Variants in CDH23 observed in about 807,000 individuals in gnomAD.
The protein encoded by CDH23 is cadherin related 23.
Under a neutral mutation model 317.1 loss-of-function variants are expected in CDH23, and 189 were observed. The observed-to-expected ratio is 0.60, with a 90% CI of 0.53 to 0.67. The LOEUF is 0.67. CDH23 is among the 30% of genes least tolerant of loss of function. CDH23 has a pLI of 0.00. For missense variants in CDH23, 4,401 were observed against 4,592.4 expected (o/e 0.96, Z 1.20); for synonymous variants, 1,839 against 1,876.8 (o/e 0.98, Z 0.52).
chr10:71,467,077 C>T (rs114989013), intron 3 of CDH23, among the ~76,000 whole-genome samples: 2,631 of 152,142 alleles, frequency 0.017, 76 homozygotes, highest in African/African-American at 0.059. Context: ...GGTGTTTCTC[C>T]GCAGAGGATG....
intron 41 of CDH23, among the ~76,000 whole-genome samples, chr10:71,780,249 A>T (rs1309442060): frequency 6.6e-6 from 1 of 152,244 alleles, no homozygotes; most frequent in Non-Finnish European, 1.5e-5. Context: ...AAACAGATGC[A>T]AATCCCTGCC....
intron 14 of CDH23, among the ~76,000 whole-genome samples, chr10:71,657,249 G>A (rs1452696325): frequency 6.6e-6 from 1 of 152,236 alleles, no homozygotes; most frequent in Non-Finnish European, 1.5e-5. Flanking sequence ...CCTTGAGCCG[G>A]TGACTGAAGG....
At chr10:71,428,378 T>TC (rs1184882394) in intron 1 of CDH23, among the ~76,000 whole-genome samples, 2 of 152,030 alleles carry the variant, frequency 1.3e-5, no homozygotes, top group African/African-American at 4.8e-5. Context: ...CCTCAAGTGA[T>TC]CCGCCCACCT....
At chr10:71,772,186 G>A (rs1173668725) in intron 38 of CDH23, among the ~76,000 whole-genome samples, 1 of 152,194 alleles carries the variant, frequency 6.6e-6, no homozygotes, top group East Asian at 1.9e-4. Context: ...CTCCTCCTCA[G>A]AGGCCCAGGC....
At chr10:71,679,625 C>T (rs948602523) in intron 17 of CDH23, 133 bp downstream of exon 17, 24 of 720,970 alleles carry the variant, frequency 3.3e-5, no homozygotes, top group African/African-American at 5.2e-5. Flanking sequence ...GGAAGCTGCC[C>T]GGAGCACCTG....
chr10:71,474,544 G>A (rs1184832376), intron 3 of CDH23, among the ~76,000 whole-genome samples: 2 of 152,210 alleles, frequency 1.3e-5, no homozygotes, highest in African/African-American at 4.8e-5. Flanking sequence ...GGTGGGCCTT[G>A]CATTCTGGCA....
intron 38 of CDH23, chr10:71,761,642 G>A (rs147441567): frequency 1.2e-5 from 19 of 1,611,674 alleles, no homozygotes; most frequent in Middle Eastern, 1.7e-4. Context: ...CCTGTGCTCC[G>A]AGTGGTGGTG....
chr10:71,693,650 A>T (rs1330403941), intron 20 of CDH23, among the ~76,000 whole-genome samples: 2 of 152,294 alleles, frequency 1.3e-5, no homozygotes, highest in East Asian at 3.9e-4. Flanking sequence ...TAAGATTTCC[A>T]TGATCTTAAT....
At chr10:71,739,077 T>G (rs1839663165) in intron 35 of CDH23, among the ~76,000 whole-genome samples, 1 of 152,110 alleles carries the variant, frequency 6.6e-6, no homozygotes, top group South Asian at 2.1e-4. Flanking sequence ...TCACACAGCT[T>G]TCATCTGTTC....
chr10:71,647,702 G>A (rs914590904), intron 14 of CDH23: 2 of 152,192 alleles, frequency 1.3e-5, no homozygotes, highest in African/African-American at 4.8e-5. Context: ...TGTGATTCTG[G>A]TATGCCGGGG....
chr10:71,426,418 C>A (rs996543517), intron 1 of CDH23, among the ~76,000 whole-genome samples: 1 of 152,198 alleles, frequency 6.6e-6, no homozygotes, highest in East Asian at 1.9e-4. Flanking sequence ...GGGAAGGCAG[C>A]CTCTGTGAGC....
chr10:71,461,505 C>T (rs7921507), intron 3 of CDH23, among the ~76,000 whole-genome samples: 53,068 of 152,172 alleles, frequency 0.35, 11,515 homozygotes, highest in East Asian at 0.48. Flanking sequence ...CTCCCCACAG[C>T]GGGAGTCTGG....
intron 8 of CDH23, among the ~76,000 whole-genome samples, chr10:71,574,021 G>A (rs1201458832): frequency 1.3e-5 from 2 of 152,152 alleles, no homozygotes; most frequent in Non-Finnish European, 2.9e-5. Context: ...CCTTTACAGT[G>A]TAGAACCCTG....
chr10:71,451,043 G>T (rs1415809322), intron 3 of CDH23, among the ~76,000 whole-genome samples: 1 of 152,056 alleles, frequency 6.6e-6, no homozygotes, highest in Non-Finnish European at 1.5e-5. Flanking sequence ...CTCAGCTGTG[G>T]CTCCATCCTG....
intron 28 of CDH23, chr10:71,716,028 G>A (rs945675362): frequency 3.9e-5 from 59 of 1,502,762 alleles, no homozygotes; most frequent in African/African-American, 3.2e-4. Context: ...CGGCCATGGC[G>A]GAAGCTGTGC....
At chr10:71,557,277 A>G (rs1305798483) in intron 6 of CDH23, among the ~76,000 whole-genome samples, 3 of 152,188 alleles carry the variant, frequency 2.0e-5, no homozygotes, top group Non-Finnish European at 4.4e-5. Context: ...GTGTTCCTTA[A>G]TGCTTGATGT....
intron 9 of CDH23, among the ~76,000 whole-genome samples, chr10:71,600,072 G>A (rs1386161399): frequency 1.4e-5 from 2 of 141,348 alleles, no homozygotes; most frequent in African/African-American, 2.7e-5. Context: ...ATGCGATCTC[G>A]GCTTACTGCA....
chr10:71,677,353 G>C, intron 15 of CDH23, 103 bp from the exon 16 acceptor site: 1 of 790,070 alleles, frequency 1.3e-6, no homozygotes, highest in South Asian at 1.8e-5. Context: ...ATTTGTTTCT[G>C]TTTGTCACTC....
rs766279666 is a variant in CDH23, at chr10:71,778,182, C to T, written c.5068-7C>T. On this transcript the variant is annotated splice_region_variant and splice_polypyrimidine_tract_variant and intron_variant, in intron 39 of 69. Coordinates refer to ENST00000224721, the MANE Select transcript of CDH23 (RefSeq NM_022124.6). ...ATCCATCCTTGTCCCTTCCCTGTGT[C>T]CCCCAGGGTGTCATCACTGCTGCCA... is the stretch of plus-strand genomic sequence containing the variant. 5 of 1,613,800 alleles carry T rather than the reference C, an allele frequency of 3.1e-6. No individual in the cohort carries two copies. Among genetic ancestry groups the T allele is most frequent in the Non-Finnish European group, 4.2e-6 (5 of 1,179,832 alleles).
Sources: gnomAD v4.1 joint callset for allele counts (sites outside exome capture counted in the v4.1 genomes callset) on GRCh38, gnomAD v4.1.1 for gene constraint, MANE v1.5 for transcripts, NCBI Gene and HGNC (gene_info 2026-07-23, HGNC 2026-07-21) for gene names.